The following MAP3K20 variants were observed in gnomAD, a reference collection of about 807,000 sequenced individuals.
MAP3K20 encodes HCCS-4.
Under a neutral mutation model 85.7 loss-of-function variants are expected in MAP3K20, and 40 were observed. The observed-to-expected ratio is 0.47, with a 90% CI of 0.36 to 0.61. The LOEUF (loss-of-function observed/expected upper bound fraction) is 0.61. Ranked by LOEUF, MAP3K20 falls within the 20% of genes least tolerant of loss-of-function variation. The pLI, the probability that MAP3K20 is intolerant of heterozygous loss-of-function variation, is 0.00. For synonymous variants in MAP3K20, 325 were observed against 327.7 expected, an observed-to-expected ratio of 0.99 and a Z score of 0.09; for missense variants, 817 against 961.7, an observed-to-expected ratio of 0.85 and a Z score of 1.99.
At chr2:173,204,853 C>T (rs1195293392) in intron 9 of MAP3K20, among the ~76,000 whole-genome samples, 1 of 152,048 alleles carries the variant, frequency 6.6e-6, no homozygotes, top group Non-Finnish European at 1.5e-5. Flanking sequence ...CCTGTAATCC[C>T]AGCACTTTGG....
chr2:173,119,326 G>T (rs145554307), intron 2 of MAP3K20, among the ~76,000 whole-genome samples: 13 of 152,352 alleles, frequency 8.5e-5, no homozygotes, highest in Admixed American at 7.2e-4. Context: ...GAAGCCACCT[G>T]CTGGGGTGCT....
chr2:173,139,304 T>G (rs555311031), intron 2 of MAP3K20, among the ~76,000 whole-genome samples: 1 of 152,340 alleles, frequency 6.6e-6, no homozygotes, highest in South Asian at 2.1e-4. Context: ...TCCGAAACAT[T>G]ACTGCCACAA....
intron 1 of MAP3K20, 64 bp downstream of exon 1, chr2:173,076,066 G>A: frequency 1.0e-6 from 1 of 969,850 alleles, no homozygotes; most frequent in Non-Finnish European, 1.2e-6. Flanking sequence ...CCGCGCTCGC[G>A]AGTCGTCCCT....
At position 173,082,959 on chromosome 2, in the gene MAP3K20, G is replaced by A. The variant is rs545789720; in HGVS notation, c.-35+6957G>A. ...CTTCTGGTAACAATACTTTTGGTAA[G>A]GAAGTGTGTTGTGGAAGTTGACTTT... On this transcript the variant is annotated intron_variant, in intron 1 of 19. Coordinates refer to ENST00000375213, the MANE Select transcript of MAP3K20 (RefSeq NM_016653.3). 3.9e-5 allele frequency among the ~76,000 whole-genome samples: 6 copies of A among 152,338 alleles called. 1 individual carries two copies. In the East Asian group the frequency reaches 9.6e-4, roughly 24 times the overall value.
chr2:173,241,410 C>G (rs1284625841), intron 16 of MAP3K20, among the ~76,000 whole-genome samples: 1 of 151,992 alleles, frequency 6.6e-6, no homozygotes, highest in Non-Finnish European at 1.5e-5. Flanking sequence ...CCTAGGAGTT[C>G]GAGACCAGCC....
chr2:173,082,246 G>A (rs946529808), intron 1 of MAP3K20, among the ~76,000 whole-genome samples: 6 of 152,072 alleles, frequency 3.9e-5, no homozygotes, highest in South Asian at 2.1e-4. Context: ...GACCTCAAGC[G>A]ATACTCCCAC....
intron 16 of MAP3K20, among the ~76,000 whole-genome samples, chr2:173,245,576 G>A (rs1320033050): frequency 6.6e-6 from 1 of 152,096 alleles, no homozygotes; most frequent in Admixed American, 6.5e-5. Flanking sequence ...AAATTAATAA[G>A]CGAAACAGGT....
chr2:173,114,661 T>G (rs1400561034), intron 2 of MAP3K20, among the ~76,000 whole-genome samples: 10 of 152,196 alleles, frequency 6.6e-5, no homozygotes, highest in Non-Finnish European at 1.5e-5. Context: ...TTCATACATG[T>G]GCTTAGCTTC....
chr2:173,138,292 G>A (rs1245939385), intron 2 of MAP3K20, among the ~76,000 whole-genome samples: 1 of 152,120 alleles, frequency 6.6e-6, no homozygotes, highest in Non-Finnish European at 1.5e-5. Flanking sequence ...TTAAAGGGAT[G>A]TTTAAAATCT....
chr2:173,231,682 A>G lies in MAP3K20; in HGVS notation c.1033-510A>G, dbSNP rs377504583. ...CACCAGTAAACCCAGACCCTGTGAT[A>G]TACAGGGACTAAGGGTCACTGGGTC... On this transcript the variant is annotated intron_variant, in intron 12 of 19. Transcript: ENST00000375213. Among the ~76,000 whole-genome samples, 7 of 152,314 alleles carry G rather than the reference A, an allele frequency of 4.6e-5. No homozygotes were observed. In the East Asian group the frequency reaches 1.2e-3, roughly 25 times the overall value.
At chr2:173,113,838 A>T (rs1293843624) in intron 2 of MAP3K20, among the ~76,000 whole-genome samples, 1 of 152,212 alleles carries the variant, frequency 6.6e-6, no homozygotes, top group East Asian at 1.9e-4. Flanking sequence ...AGTTCCATAC[A>T]CTGTTGAATA....
chr2:173,239,636 T>A, intron 16 of MAP3K20, 140 bp downstream of exon 16: 1 of 771,606 alleles, frequency 1.3e-6, no homozygotes, highest in Non-Finnish European at 2.0e-6. Flanking sequence ...AAAATAGAAT[T>A]TAGCTGAAAG....
intron 1 of MAP3K20, among the ~76,000 whole-genome samples, chr2:173,090,345 G>A (rs766070299): frequency 1.8e-4 from 28 of 152,106 alleles, no homozygotes; most frequent in South Asian, 4.2e-4. Flanking sequence ...GTATTCTTTC[G>A]ATGACTTAAT....
intron 17 of MAP3K20, 106 bp downstream of exon 17, chr2:173,258,921 C>T: frequency 1.5e-6 from 1 of 669,872 alleles, no homozygotes; most frequent in East Asian, 2.7e-5. Context: ...ATGCTCACAT[C>T]AGCTCAGCCT....
chr2:173,091,057 T>C lies in MAP3K20; in HGVS notation c.26T>C (p.Val9Ala), dbSNP rs148183363. 19 of 1,613,920 alleles carry C rather than the reference T, an allele frequency of 1.2e-5. No individual in the cohort carries two copies. The highest frequency in any genetic ancestry group is 1.6e-5 in the Non-Finnish European group (19 of 1,179,970). ...ATGTCGTCTCTCGGTGCCTCCTTTG[T>C]GCAAATTAAATTTGATGACTTGCAG... MSSLGASF[V>A]QIKFDDLQFF... The change falls in exon 2 of 20, where the codon GTG becomes GCG. Residue 9 changes from valine (V) to alanine (A), a missense_variant. Around this residue, in one of 4 missense-constraint regions of MAP3K20, gnomAD observed 200 missense variants for 302.7 expected, o/e 0.66. Coordinates refer to ENST00000375213, the MANE Select transcript of MAP3K20 (RefSeq NM_016653.3).
chr2:173,265,279 C>T (rs984702398), intron 19 of MAP3K20, among the ~76,000 whole-genome samples: 2 of 152,194 alleles, frequency 1.3e-5, no homozygotes, highest in Non-Finnish European at 2.9e-5. Context: ...ACATGGGTAA[C>T]GTTGTTCAGG....
chr2:173,093,465 G>A (rs562340905), intron 2 of MAP3K20, among the ~76,000 whole-genome samples: 6 of 152,304 alleles, frequency 3.9e-5, no homozygotes, highest in Admixed American at 3.9e-4. Flanking sequence ...GTTTATGTGA[G>A]AGGAGAAAGG....
chr2:173,254,521 T>C (rs1685116662), intron 16 of MAP3K20, among the ~76,000 whole-genome samples: 4 of 152,100 alleles, frequency 2.6e-5, no homozygotes, highest in Admixed American at 6.6e-5. Flanking sequence ...GTTGCAGATA[T>C]GTAAGTAAAA....
Position 173,198,202 on chromosome 2 carries a change from G to A in MAP3K20, c.669+90G>A. 8.4e-7 allele frequency: 1 copy of A among 1,196,676 alleles called. No individual in the cohort carries two copies. The highest frequency in any genetic ancestry group is 1.2e-6 in the Non-Finnish European group (1 of 834,480). The allele number at this position is 1,196,676 out of a possible 1,614,324, so 74.1% of individuals were successfully genotyped here. A position where few individuals can be genotyped will look rare whatever the true frequency, so the allele number is the denominator to read the frequency against. On this transcript the variant is annotated intron_variant, in intron 8 of 19. Transcript: ENST00000375213. The surrounding 1 kb of genome is among the most constrained non-coding windows in gnomAD (Gnocchi z 5.8). ...CTTTTTCATCTTCTTCAAATTGAAA[G>A]TAAGTTCACGCTTATGGAAAGATTA... is the stretch of plus-strand genomic sequence containing the variant.
Sources: allele counts gnomAD v4.1 joint callset (sites outside exome capture counted in the v4.1 genomes callset), GRCh38; gene constraint gnomAD v4.1.1; regional missense constraint gnomAD v4.1.1; non-coding constraint Gnocchi (gnomAD v3.1); transcripts MANE v1.5; gene names NCBI Gene and HGNC (gene_info 2026-07-23, HGNC 2026-07-21).